Variants in SYNPO2 observed in about 807,000 individuals in gnomAD.
The protein encoded by SYNPO2 is synaptopodin-2.
SYNPO2 carries 56 observed loss-of-function variants against 85.0 expected under a neutral mutation model. The observed-to-expected ratio is 0.66, with a 90% CI of 0.53 to 0.82. SYNPO2 has a LOEUF of 0.82. Among genes scored for constraint, SYNPO2 ranks in the 40% least tolerant of loss-of-function variants. SYNPO2 has a pLI of 0.00. For missense variants in SYNPO2, 1,575 were observed against 1,534.2 expected, an observed-to-expected ratio of 1.03 and a Z score of -0.44; for synonymous variants, 602 against 591.1, an observed-to-expected ratio of 1.02 and a Z score of -0.27.
chr4:119,057,456 C>T lies in SYNPO2; in HGVS notation c.3308C>T (p.Thr1103Ile). ...AGATCAGTCCCACCCCCCATTTCTA[C>T]ATCTCCTTGGGTATACCAGCCTACT... ...PGRSVPPPIS[T>I]SPWVYQPTYS... Residue 1103 changes from threonine to isoleucine, a missense_variant, in exon 5 of 5, where the codon ACA becomes ATA. This residue lies in a region of SYNPO2 where 1,508 missense variants were observed against 1,446.8 expected (regional missense o/e 1.04). Transcript: ENST00000307142. 2 of 1,613,596 alleles carry T rather than the reference C, an allele frequency of 1.2e-6. No homozygotes were observed. The highest frequency in any genetic ancestry group is 1.7e-6 in the Non-Finnish European group (2 of 1,179,830).
intron 1 of SYNPO2, among the ~76,000 whole-genome samples, chr4:118,873,184 T>C (rs1174153045): frequency 2.0e-5 from 3 of 152,188 alleles, no homozygotes; most frequent in East Asian, 1.9e-4. Flanking sequence ...CTTTTTGATA[T>C]AATAATTTCG....
chr4:119,031,338 C>T lies in SYNPO2; in HGVS notation c.2563C>T (p.Gln855Ter). 1.2e-6 allele frequency: 2 copies of T among 1,614,170 alleles called. No homozygotes were observed. The highest frequency in any genetic ancestry group is 1.7e-6 in the Non-Finnish European group (2 of 1,180,046). The change falls in exon 4 of 5, where the codon CAG (glutamine) becomes TAG (stop). Residue 855 changes from glutamine (Q) to a stop codon, truncating the protein, a stop_gained. Coordinates refer to ENST00000307142, the MANE Select transcript of SYNPO2 (RefSeq NM_133477.3). LOFTEE classifies it high-confidence loss of function. Reference protein sequence around the residue: ...TVSTPTVNAVQPGAVGPSNEL... With the variant: ...TVSTPTVNAV ...TTCCACACCAACAGTCAATGCTGTTCAGCCTGGTGCAGTGGGACCATCCAA... is the reference window on the plus strand; with the variant it reads ...TTCCACACCAACAGTCAATGCTGTTTAGCCTGGTGCAGTGGGACCATCCAA...
At chr4:118,858,565 G>C (rs998811821) in intron 1 of SYNPO2, among the ~76,000 whole-genome samples, 10 of 152,090 alleles carry the variant, frequency 6.6e-5, no homozygotes, top group Non-Finnish European at 1.3e-4. Context: ...CAGAACAACA[G>C]GGGTAAATCA....
At chr4:118,955,369 A>G (rs188990850) in intron 1 of SYNPO2, among the ~76,000 whole-genome samples, 1 of 152,328 alleles carries the variant, frequency 6.6e-6, no homozygotes, top group East Asian at 1.9e-4. Flanking sequence ...AAATCTAAAT[A>G]GAAATGATAA....
intron 1 of SYNPO2, among the ~76,000 whole-genome samples, chr4:118,874,702 A>G (rs1731869624): frequency 6.6e-6 from 1 of 152,194 alleles, no homozygotes; most frequent in Non-Finnish European, 1.5e-5. Context: ...GGCTTTTAAG[A>G]AAAATAATAC....
At chr4:118,982,031 T>C (rs1736029937) in intron 1 of SYNPO2, among the ~76,000 whole-genome samples, 1 of 152,250 alleles carries the variant, frequency 6.6e-6, no homozygotes, top group East Asian at 1.9e-4. Context: ...GGAGGAAATA[T>C]GCAGCGTGGG....
At chr4:118,946,633 C>T (rs560935060) in intron 1 of SYNPO2, among the ~76,000 whole-genome samples, 1 of 152,034 alleles carries the variant, frequency 6.6e-6, no homozygotes, top group African/African-American at 2.4e-5. Context: ...ACTGATGATC[C>T]CTTTTATGTT....
intron 1 of SYNPO2, among the ~76,000 whole-genome samples, chr4:118,954,150 TG>T (rs1383870420): frequency 6.6e-6 from 1 of 152,230 alleles, no homozygotes; most frequent in Admixed American, 6.5e-5. Flanking sequence ...ATTACAAAGC[TG>T]TACTTTCATT....
At chr4:118,961,096 A>ACCCC (rs1436032380) in intron 1 of SYNPO2, among the ~76,000 whole-genome samples, 7 of 36,488 alleles carry the variant, frequency 1.9e-4, no homozygotes, top group Admixed American at 6.7e-4. Context: ...GGGCTATTTT[A>ACCCC]CCGCCCCCCC....
At chr4:119,046,791 G>A (rs535153982) in intron 4 of SYNPO2, among the ~76,000 whole-genome samples, 1 of 152,322 alleles carries the variant, frequency 6.6e-6, no homozygotes, top group Admixed American at 6.5e-5. Context: ...AGGTCAATGT[G>A]ACATCCAAGT....
intron 4 of SYNPO2, chr4:119,033,863 C>T: frequency 1.0e-6 from 1 of 985,178 alleles, no homozygotes; most frequent in Non-Finnish European, 1.2e-6. Context: ...TTTCTCCATA[C>T]ATTGTAAAAC....
intron 1 of SYNPO2, among the ~76,000 whole-genome samples, chr4:118,864,100 C>T (rs970975818): frequency 1.4e-5 from 2 of 138,416 alleles, no homozygotes; most frequent in Non-Finnish European, 3.4e-5. Flanking sequence ...TAGCTATAAA[C>T]TTTCCTCTTA....
At position 119,031,768 on chromosome 4, in the gene SYNPO2, C is replaced by G; in HGVS notation, c.2993C>G (p.Ser998Ter). 6.2e-7 allele frequency: 1 copy of G among 1,614,216 alleles called. No homozygotes were observed. The highest frequency in any genetic ancestry group is 8.5e-7 in the Non-Finnish European group (1 of 1,180,030). ...LPQKSSVKVNSALAMKQALPP... is the reference protein window; with the variant it reads ...LPQKSSVKVN ...CAGAAGTCATCAGTCAAGGTCAATT[C>G]AGCCCTGGCCATGAAGCAAGCTCTT... The change falls in exon 4 of 5, where the codon TCA becomes TGA. Residue 998 changes from serine (S) to a stop codon, truncating the protein, a stop_gained. Coordinates refer to ENST00000307142, the MANE Select transcript of SYNPO2 (RefSeq NM_133477.3). LOFTEE classifies it high-confidence loss of function.
At chr4:118,880,746 CAAAAA>C (rs11348298) in intron 1 of SYNPO2, among the ~76,000 whole-genome samples, 4 of 131,782 alleles carry the variant, frequency 3.0e-5, no homozygotes, top group African/African-American at 3.1e-5. Context: ...GACTCTGTCC[CAAAAA>C]AAAAAAAAAA....
At chr4:118,926,793 T>C (rs1179436806) in intron 1 of SYNPO2, among the ~76,000 whole-genome samples, 2 of 152,194 alleles carry the variant, frequency 1.3e-5, no homozygotes, top group Non-Finnish European at 2.9e-5. Flanking sequence ...TATAGTCAAA[T>C]AGGCTTTTCT....
At chr4:118,967,260 T>A (rs1735348834) in intron 1 of SYNPO2, among the ~76,000 whole-genome samples, 1 of 152,142 alleles carries the variant, frequency 6.6e-6, no homozygotes, top group African/African-American at 2.4e-5. Context: ...TACCTCTGTC[T>A]CCCTATAGGA....
chr4:118,936,370 G>A (rs748184807), intron 1 of SYNPO2, among the ~76,000 whole-genome samples: 31 of 152,050 alleles, frequency 2.0e-4, no homozygotes, highest in Non-Finnish European at 4.0e-4. Context: ...GTCTTGCTAC[G>A]TTGCACAGGC....
intron 4 of SYNPO2, among the ~76,000 whole-genome samples, chr4:119,041,598 G>T (rs1334159805): frequency 6.6e-6 from 1 of 152,058 alleles, no homozygotes; most frequent in African/African-American, 2.4e-5. Flanking sequence ...TTTGAATTCT[G>T]CATTATGAAA....
At chr4:118,851,058 C>T (rs56124677) in intron 1 of SYNPO2, 19,434 of 397,624 alleles carry the variant, frequency 0.049, 670 homozygotes, top group Non-Finnish European at 0.064. Context: ...TTACTCATAC[C>T]TTTCATCTTT....
Sources: allele counts gnomAD v4.1 joint callset (sites outside exome capture counted in the v4.1 genomes callset), GRCh38; gene constraint gnomAD v4.1.1; regional missense constraint gnomAD v4.1.1; transcripts MANE v1.5; gene names NCBI Gene and HGNC (gene_info 2026-07-23, HGNC 2026-07-21).